Variants in OXR1 observed in about 807,000 individuals in gnomAD.
The protein encoded by OXR1 is oxidation resistance 1.
Under a neutral mutation model 104.6 loss-of-function variants are expected in OXR1, and 41 were observed. That is an observed-to-expected ratio of 0.39 (90% CI 0.31 to 0.51). The LOEUF (loss-of-function observed/expected upper bound fraction) is 0.51, where lower values mean the gene tolerates loss of function less well. Ranked by LOEUF, OXR1 falls within the 20% of genes least tolerant of loss-of-function variation. The pLI is 0.77. For synonymous variants in OXR1, 348 were observed against 348.4 expected (o/e 1.00, Z 0.01); for missense variants, 955 against 1,031.9 (o/e 0.93, Z 1.02).
chr8:106,659,378 A>T (rs537198125), intron 3 of OXR1, among the ~76,000 whole-genome samples: 47 of 152,336 alleles, frequency 3.1e-4, no homozygotes, highest in Admixed American at 5.2e-4. Flanking sequence ...TTTAAAATAA[A>T]TTTTCCTTAC....
intron 11 of OXR1, among the ~76,000 whole-genome samples, chr8:106,727,064 T>C (rs1187068344): frequency 6.6e-6 from 1 of 152,236 alleles, no homozygotes; most frequent in East Asian, 1.9e-4. Flanking sequence ...AAAATTTTAA[T>C]AGGTGTTATT....
At chr8:106,721,009 A>G (rs1832778620) in intron 11 of OXR1, among the ~76,000 whole-genome samples, 1 of 152,138 alleles carries the variant, frequency 6.6e-6, no homozygotes, top group South Asian at 2.1e-4. Flanking sequence ...ATCATTTATC[A>G]TGAGACATTA....
intron 2 of OXR1, among the ~76,000 whole-genome samples, chr8:106,485,574 T>C (rs1348645684): frequency 6.6e-6 from 1 of 152,078 alleles, no homozygotes; most frequent in East Asian, 1.9e-4. Context: ...TTTATACATT[T>C]CAAAGAAATG....
At chr8:106,490,953 A>G (rs1231062060) in intron 2 of OXR1, among the ~76,000 whole-genome samples, 1 of 152,168 alleles carries the variant, frequency 6.6e-6, no homozygotes, top group Admixed American at 6.5e-5. Flanking sequence ...TATATGATTT[A>G]TTTGTTATTA....
intron 1 of OXR1, among the ~76,000 whole-genome samples, chr8:106,337,879 A>G (rs369725005): frequency 4.1e-4 from 63 of 152,356 alleles, no homozygotes; most frequent in African/African-American, 1.4e-3. Context: ...TTAAAATTGT[A>G]CATAATAAAG....
chr8:106,408,463 T>C (rs6985930), intron 2 of OXR1, among the ~76,000 whole-genome samples: 34,587 of 152,126 alleles, frequency 0.23, 5,577 homozygotes, highest in African/African-American at 0.44. Context: ...AGGATTTAGA[T>C]GCACAATATT....
At chr8:106,377,778 T>G (rs1816969309) in intron 2 of OXR1, among the ~76,000 whole-genome samples, 1 of 152,232 alleles carries the variant, frequency 6.6e-6, no homozygotes, top group African/African-American at 2.4e-5. Flanking sequence ...TTAACTTTTC[T>G]TATCTAAACA....
intron 1 of OXR1, among the ~76,000 whole-genome samples, chr8:106,275,063 A>C (rs1443570994): frequency 6.6e-6 from 1 of 152,252 alleles, no homozygotes; most frequent in East Asian, 1.9e-4. Flanking sequence ...AAGAAACATA[A>C]GATGGGCATT....
At chr8:106,748,627 G>A (rs1359619827) in intron 16 of OXR1, among the ~76,000 whole-genome samples, 1 of 120,422 alleles carries the variant, frequency 8.3e-6, no homozygotes, top group African/African-American at 3.3e-5. Context: ...GGAGTGCAAT[G>A]GCACAATCTT....
At chr8:106,500,317 G>A (rs1309285180) in intron 2 of OXR1, among the ~76,000 whole-genome samples, 1 of 152,170 alleles carries the variant, frequency 6.6e-6, no homozygotes, top group Admixed American at 6.5e-5. Context: ...GGCCTGCCTG[G>A]CCTAAACCCA....
intron 3 of OXR1, among the ~76,000 whole-genome samples, chr8:106,536,626 T>C (rs931969857): frequency 5.9e-5 from 9 of 152,212 alleles, no homozygotes. Context: ...TTTTAAATTT[T>C]TTTTTTAATT....
At chr8:106,499,469 T>C (rs910992262) in intron 2 of OXR1, among the ~76,000 whole-genome samples, 25 of 152,334 alleles carry the variant, frequency 1.6e-4, no homozygotes, top group Middle Eastern at 3.4e-3. Flanking sequence ...TTAGTCTATG[T>C]TGACAGCAGT....
chr8:106,533,618 G>T (rs1814250177), intron 3 of OXR1, among the ~76,000 whole-genome samples: 1 of 151,976 alleles, frequency 6.6e-6, no homozygotes, highest in South Asian at 2.1e-4. Flanking sequence ...GGGACTTATA[G>T]AAGTCTTAAA....
At chr8:106,366,829 A>G (rs963266209) in intron 2 of OXR1, among the ~76,000 whole-genome samples, 1 of 152,124 alleles carries the variant, frequency 6.6e-6, no homozygotes, top group Non-Finnish European at 1.5e-5. Context: ...AGAGTAGAGT[A>G]ACTCAAGTTT....
chr8:106,338,135 C>G (rs755572034), intron 1 of OXR1, among the ~76,000 whole-genome samples: 1 of 152,156 alleles, frequency 6.6e-6, no homozygotes, highest in Non-Finnish European at 1.5e-5. Flanking sequence ...AATGGAGTCA[C>G]TCATGCTAAA....
chr8:106,558,753 GTGAGA>G (rs1295594311), intron 3 of OXR1, among the ~76,000 whole-genome samples: 2 of 152,136 alleles, frequency 1.3e-5, no homozygotes, highest in Non-Finnish European at 2.9e-5. Flanking sequence ...AATTCAACAA[GTGAGA>G]TGAATCACAT....
At chr8:106,399,014 C>G (rs1817897784) in intron 2 of OXR1, among the ~76,000 whole-genome samples, 2 of 152,078 alleles carry the variant, frequency 1.3e-5, no homozygotes, top group South Asian at 4.1e-4. Context: ...AATACTAAAT[C>G]TTTTACTTTT....
chr8:106,369,960 T>A (rs965098045), intron 2 of OXR1, among the ~76,000 whole-genome samples: 1 of 152,230 alleles, frequency 6.6e-6, no homozygotes, highest in Admixed American at 6.5e-5. Context: ...TTGATGGGAA[T>A]AGTATTGAAT....
intron 1 of OXR1, among the ~76,000 whole-genome samples, chr8:106,343,799 C>G (rs1445744341): frequency 6.6e-6 from 1 of 152,140 alleles, no homozygotes; most frequent in Non-Finnish European, 1.5e-5. Context: ...CTTTGTATAT[C>G]TCGGGTAGTG....
Sources: gnomAD v4.1 joint callset for allele counts (sites outside exome capture counted in the v4.1 genomes callset) on GRCh38, gnomAD v4.1.1 for gene constraint, MANE v1.5 for transcripts, NCBI Gene and HGNC (gene_info 2026-07-23, HGNC 2026-07-21) for gene names.